The following EYS variants were observed in gnomAD, a reference collection of about 807,000 sequenced individuals.
EYS encodes EGF-like photoreceptor maintenance factor.
A neutral mutation model predicts 282.1 loss-of-function variants in EYS; 250 were observed. That is an observed-to-expected ratio of 0.89 (90% CI 0.80 to 0.98). The LOEUF is 0.98. Ranked by LOEUF, EYS falls within the 50% of genes least tolerant of loss-of-function variation. The pLI is 0.00. For synonymous variants in EYS, 1,355 were observed against 1,282.9 expected (o/e 1.06, Z -1.20); for missense variants, 4,016 against 3,709.0 (o/e 1.08, Z -2.15).
chr6:65,472,273 A>G (rs1765244048), intron 5 of EYS, among the ~76,000 whole-genome samples: 1 of 152,130 alleles, frequency 6.6e-6, no homozygotes, highest in Non-Finnish European at 1.5e-5. Context: ...ATGTCTGGTA[A>G]ACATAACCAT....
chr6:64,658,866 C>A (rs566164548), intron 22 of EYS, among the ~76,000 whole-genome samples: 1 of 152,322 alleles, frequency 6.6e-6, no homozygotes, highest in East Asian at 1.9e-4. Flanking sequence ...AGGAATTGAA[C>A]TCAGCTCTGC....
chr6:64,451,256 T>G (rs9444846), intron 26 of EYS, among the ~76,000 whole-genome samples: 2 of 152,194 alleles, frequency 1.3e-5, no homozygotes, highest in Non-Finnish European at 2.9e-5. Flanking sequence ...CTAGAAAATC[T>G]AGAAGAAATG....
chr6:64,072,040 G>A (rs565014038), intron 32 of EYS, among the ~76,000 whole-genome samples: 61 of 151,924 alleles, frequency 4.0e-4, no homozygotes, highest in Middle Eastern at 6.8e-3. Flanking sequence ...TTAGTGCTGC[G>A]CTTCAAGCTA....
intron 41 of EYS, among the ~76,000 whole-genome samples, chr6:63,732,828 A>C (rs1163897918): frequency 1.3e-5 from 2 of 152,214 alleles, no homozygotes. Context: ...ACAAACAAAA[A>C]TTATTTGTGC....
At chr6:65,183,437 A>G (rs1562009729) in intron 12 of EYS, among the ~76,000 whole-genome samples, 1 of 151,968 alleles carries the variant, frequency 6.6e-6, no homozygotes, top group East Asian at 2.0e-4. Context: ...AGTTATTTTG[A>G]GTTTCTAAAG....
At chr6:65,490,455 AC>A in intron 5 of EYS, 138 bp downstream of exon 5, 2 of 577,586 alleles carry the variant, frequency 3.5e-6, no homozygotes, top group South Asian at 5.0e-5. Context: ...ATTAAACTTT[AC>A]CATAAAAGAG....
At chr6:64,996,283 A>G (rs1214521147) in intron 14 of EYS, among the ~76,000 whole-genome samples, 1 of 152,132 alleles carries the variant, frequency 6.6e-6, no homozygotes, top group African/African-American at 2.4e-5. Context: ...CTAATAGTTT[A>G]TTATATTATT....
chr6:64,416,351 T>C (rs554515372), intron 28 of EYS, among the ~76,000 whole-genome samples: 8 of 152,320 alleles, frequency 5.3e-5, no homozygotes, highest in Admixed American at 1.3e-4. Flanking sequence ...CCTGGTGTTA[T>C]CAAATCTTCA....
chr6:64,966,521 G>T (rs1211987336), intron 14 of EYS, among the ~76,000 whole-genome samples: 1 of 152,118 alleles, frequency 6.6e-6, no homozygotes, highest in Non-Finnish European at 1.5e-5. Context: ...ACGAAAACAG[G>T]TTAGGTGGTC....
intron 12 of EYS, among the ~76,000 whole-genome samples, chr6:65,253,262 T>C (rs754855040): frequency 2.0e-5 from 3 of 152,014 alleles, no homozygotes; most frequent in African/African-American, 7.2e-5. Context: ...TAGGCTCTAA[T>C]CTATTCCAAT....
chr6:64,029,618 A>C (rs1034296044), intron 33 of EYS, among the ~76,000 whole-genome samples: 2 of 152,252 alleles, frequency 1.3e-5, no homozygotes, highest in African/African-American at 4.8e-5. Context: ...ATGCTGCCCA[A>C]GATGATCTCT....
intron 2 of EYS, among the ~76,000 whole-genome samples, chr6:65,547,910 C>T (rs901594184): frequency 1.3e-5 from 2 of 152,168 alleles, no homozygotes; most frequent in Non-Finnish European, 2.9e-5. Context: ...TAAACAGATA[C>T]AGAGGCCTCC....
intron 35 of EYS, among the ~76,000 whole-genome samples, chr6:63,924,762 A>G (rs1764669613): frequency 6.6e-6 from 1 of 152,252 alleles, no homozygotes; most frequent in South Asian, 2.1e-4. Context: ...TGGCCAAGAC[A>G]GAATGAATAA....
intron 41 of EYS, among the ~76,000 whole-genome samples, chr6:63,757,739 C>A (rs916163303): frequency 6.6e-6 from 1 of 152,116 alleles, no homozygotes; most frequent in Non-Finnish European, 1.5e-5. Flanking sequence ...AAAGAACCTA[C>A]GTTGAAATAT....
intron 32 of EYS, among the ~76,000 whole-genome samples, chr6:64,077,720 A>G (rs1482714480): frequency 6.6e-6 from 1 of 152,128 alleles, no homozygotes; most frequent in Non-Finnish European, 1.5e-5. Flanking sequence ...AATGGATCCA[A>G]CTGCATGGTA....
chr6:64,922,141 C>T lies in EYS; in HGVS notation c.2382-9398G>A, dbSNP rs145768806. On this transcript the variant is annotated intron_variant, in intron 15 of 42. Coordinates refer to ENST00000503581, the MANE Select transcript of EYS (RefSeq NM_001142800.2). The stretch of plus-strand genomic sequence containing the variant: ...TTGCTACTGTTATTCACTGGGGTGA[C>T]GAAAAATAAATCCATTCTCCCTCTC... Among the ~76,000 whole-genome samples the T allele has an allele frequency of 5.0e-3, 764 of 152,210 alleles. 7 individuals carry two copies. The highest frequency in any genetic ancestry group is 7.3e-3 in the Non-Finnish European group (499 of 68,004).
At position 64,019,824 on chromosome 6, in the gene EYS, GTA is replaced by G. The variant is rs199565163; in HGVS notation, c.6726-20643_6726-20642del. On this transcript the variant is annotated intron_variant, in intron 33 of 42. Transcript: ENST00000503581. ...ATGAGATTAGAATGTGTATATATAA[GTA>G]TATATATATATATGTATATATAAGT... Among the ~76,000 whole-genome samples the G allele has an allele frequency of 5.5e-3, 759 of 138,008 alleles. 5 individuals are homozygous for G. The highest frequency in any genetic ancestry group is 0.011 in the Middle Eastern group (3 of 276). 90.5% of individuals were successfully genotyped at this position (138,008 alleles called of 152,430 possible).
At chr6:64,383,545 T>C (rs1420648518) in intron 29 of EYS, among the ~76,000 whole-genome samples, 1 of 152,208 alleles carries the variant, frequency 6.6e-6, no homozygotes, top group East Asian at 1.9e-4. Flanking sequence ...ACATAACTTC[T>C]AGAAGGAGCA....
chr6:65,426,826 AT>A (rs1482217372), intron 5 of EYS, among the ~76,000 whole-genome samples: 1 of 152,162 alleles, frequency 6.6e-6, no homozygotes, highest in Non-Finnish European at 1.5e-5. Context: ...ATAAACCTTA[AT>A]TTAGTAATTT....
Sources: gnomAD v4.1 joint callset for allele counts (sites outside exome capture counted in the v4.1 genomes callset) on GRCh38, gnomAD v4.1.1 for gene constraint, MANE v1.5 for transcripts, NCBI Gene and HGNC (gene_info 2026-07-23, HGNC 2026-07-21) for gene names.